KCNK9: variants seen among roughly 807,000 people sequenced by gnomAD.
KCNK9 encodes potassium channel subfamily K member 9.
A neutral mutation model predicts 10.8 loss-of-function variants in KCNK9; 1 was observed. The ratio of observed to expected loss-of-function variants is 0.09; its 90% CI spans 0.03 to 0.44. KCNK9 has a LOEUF of 0.44. KCNK9 is among the 20% of genes least tolerant of loss of function. The pLI is 0.97. For missense variants in KCNK9, 303 were observed against 515.0 expected (o/e 0.59, Z 3.98); for synonymous variants, 231 against 222.7 (o/e 1.04, Z -0.33).
chr8:139,677,820 G>A (rs143285171), intron 1 of KCNK9, among the ~76,000 whole-genome samples: 1,474 of 140,772 alleles, frequency 0.01, 19 homozygotes, highest in Middle Eastern at 0.022. Flanking sequence ...AGCCCAACAG[G>A]TCCCCACAGC....
chr8:139,607,382 G>A (rs1020764918), intron 2 of KCNK9, among the ~76,000 whole-genome samples: 12 of 152,202 alleles, frequency 7.9e-5, no homozygotes, highest in African/African-American at 2.9e-4. Context: ...TGCTCAACGT[G>A]CTCAGTCAAT....
At chr8:139,632,216 G>A (rs1416766142) in intron 1 of KCNK9, among the ~76,000 whole-genome samples, 2 of 152,162 alleles carry the variant, frequency 1.3e-5, no homozygotes, top group East Asian at 1.9e-4. Context: ...TCATTGACAC[G>A]AGTCACCACA....
chr8:139,636,385 G>A (rs1333046643), intron 1 of KCNK9, among the ~76,000 whole-genome samples: 1 of 152,180 alleles, frequency 6.6e-6, no homozygotes, highest in Non-Finnish European at 1.5e-5. Context: ...GGGATGAATG[G>A]GACCTGCCAG....
chr8:139,694,887 T>C (rs983684319), intron 1 of KCNK9, among the ~76,000 whole-genome samples: 9 of 152,258 alleles, frequency 5.9e-5, no homozygotes, highest in African/African-American at 2.2e-4. Context: ...TCAGGGCTGG[T>C]TGACCCCAAG....
At chr8:139,653,338 A>G (rs1277177423) in intron 1 of KCNK9, among the ~76,000 whole-genome samples, 1 of 152,044 alleles carries the variant, frequency 6.6e-6, no homozygotes, top group East Asian at 1.9e-4. Flanking sequence ...AGTACCTAAA[A>G]TTTCTTTGTG....
intron 1 of KCNK9, among the ~76,000 whole-genome samples, chr8:139,671,511 CTTT>C (rs35081138): frequency 1.8e-4 from 24 of 132,718 alleles, no homozygotes; most frequent in Non-Finnish European, 2.2e-4. Context: ...TTTTTAGTTT[CTTT>C]TTTTTTTTTT....
intron 1 of KCNK9, among the ~76,000 whole-genome samples, chr8:139,686,481 G>A (rs1307844359): frequency 1.3e-5 from 2 of 152,324 alleles, no homozygotes; most frequent in South Asian, 2.1e-4. Context: ...CTCGAAAGAA[G>A]ACATTTATGC....
At chr8:139,688,434 G>T (rs1816867090) in intron 1 of KCNK9, among the ~76,000 whole-genome samples, 1 of 152,212 alleles carries the variant, frequency 6.6e-6, no homozygotes. Context: ...AAGAGTGAGT[G>T]CAAGAACGAG....
intron 1 of KCNK9, among the ~76,000 whole-genome samples, chr8:139,674,911 C>G (rs112120962): frequency 1.3e-5 from 2 of 152,108 alleles, no homozygotes; most frequent in Admixed American, 6.5e-5. Context: ...TTCCTCCCCC[C>G]GAAGCCTTCC....
chr8:139,668,510 C>T (rs1207671356), intron 1 of KCNK9, among the ~76,000 whole-genome samples: 1 of 151,716 alleles, frequency 6.6e-6, no homozygotes, highest in East Asian at 1.9e-4. Flanking sequence ...CAACCTCTGC[C>T]TCCCAGGTTC....
intron 1 of KCNK9, among the ~76,000 whole-genome samples, chr8:139,650,378 C>G (rs892436465): frequency 2.0e-5 from 3 of 152,176 alleles, no homozygotes; most frequent in African/African-American, 7.2e-5. Context: ...CTGGCACACA[C>G]AGTGCTTTAG....
At chr8:139,607,376 C>T (rs560101822) in intron 2 of KCNK9, among the ~76,000 whole-genome samples, 1 of 152,348 alleles carries the variant, frequency 6.6e-6, no homozygotes, top group Admixed American at 6.5e-5. Flanking sequence ...AGCACATGCT[C>T]AACGTGCTCA....
At chr8:139,613,876 A>G (rs563667928), downstream of KCNK9, among the ~76,000 whole-genome samples, 5 of 152,332 alleles carry the variant, frequency 3.3e-5, 1 homozygote, top group East Asian at 9.6e-4. Flanking sequence ...CACTTCCAGA[A>G]CAAAGCCACA....
chr8:139,675,433 G>A (rs1404054012), intron 1 of KCNK9, among the ~76,000 whole-genome samples: 1 of 152,174 alleles, frequency 6.6e-6, no homozygotes, highest in Non-Finnish European at 1.5e-5. Context: ...GGTCCTGGGG[G>A]TAGAGCCCTC....
rs781243756 is a variant in KCNK9 at position 139,703,002 on chromosome 8, C to A, written c.-10G>T. ...CGTTCTGCCTCTTCATGGCCGCCAG[C>A]AAGGAGCCGGCGCGGGGGGCATGTC... On this transcript the variant is annotated 5_prime_UTR_variant, in exon 1 of 2. Transcript: ENST00000520439. This position sits in a 1 kb window ranked among gnomAD's most constrained non-coding sequence, Gnocchi z 6.4. 6.4e-7 allele frequency: 1 copy of A among 1,556,502 alleles called. No individual in the cohort carries two copies. Among genetic ancestry groups the A allele is most frequent in the East Asian group, 2.4e-5 (1 of 41,146 alleles).
At chr8:139,686,474 G>A (rs181989894) in intron 1 of KCNK9, among the ~76,000 whole-genome samples, 180 of 152,176 alleles carry the variant, frequency 1.2e-3, no homozygotes, top group African/African-American at 3.7e-3. Context: ...GACACTTCTC[G>A]AAAGAAGACA....
chr8:139,652,657 G>C (rs184768907), intron 1 of KCNK9, among the ~76,000 whole-genome samples: 33 of 152,324 alleles, frequency 2.2e-4, no homozygotes, highest in African/African-American at 7.0e-4. Context: ...CCTTCCGAAT[G>C]GGGGAAATAC....
At chr8:139,604,831 C>T (rs929749450) in intron 2 of KCNK9, among the ~76,000 whole-genome samples, 2 of 152,154 alleles carry the variant, frequency 1.3e-5, no homozygotes, top group Non-Finnish European at 2.9e-5. Context: ...GCATGGCCTC[C>T]GAGAAAGACA....
intron 1 of KCNK9, among the ~76,000 whole-genome samples, chr8:139,653,088 T>C (rs1027106358): frequency 1.3e-5 from 2 of 152,144 alleles, no homozygotes; most frequent in African/African-American, 2.4e-5. Flanking sequence ...AGGCTGTGGA[T>C]TTGACAGGGT....
Sources: gnomAD v4.1 joint callset for allele counts (sites outside exome capture counted in the v4.1 genomes callset) on GRCh38, gnomAD v4.1.1 for gene constraint, Gnocchi (gnomAD v3.1) non-coding constraint, MANE v1.5 for transcripts, NCBI Gene and HGNC (gene_info 2026-07-23, HGNC 2026-07-21) for gene names.